Variants in NOP58 observed in about 807,000 individuals in gnomAD.
NOP58 encodes NOP58 ribonucleoprotein, also known as nucleolar protein 58.
NOP58 carries 44 observed loss-of-function variants against 71.2 expected under a neutral mutation model. The ratio of observed to expected loss-of-function variants is 0.62; its 90% CI spans 0.49 to 0.79. NOP58 has a LOEUF of 0.79. Ranked by LOEUF, NOP58 falls within the 30% of genes least tolerant of loss-of-function variation. NOP58 has a pLI of 0.00. For missense variants in NOP58, 538 were observed against 620.2 expected, an observed-to-expected ratio of 0.87 and a Z score of 1.41; for synonymous variants, 228 against 200.3, an observed-to-expected ratio of 1.14 and a Z score of -1.17.
At chr2:202,280,655 G>T (rs1407677678) in intron 3 of NOP58, among the ~76,000 whole-genome samples, 4 of 151,368 alleles carry the variant, frequency 2.6e-5, no homozygotes. Context: ...TTTAAATAAA[G>T]AAATAGGGTC....
At chr2:202,271,033 G>T (rs1366045086) in intron 1 of NOP58, among the ~76,000 whole-genome samples, 1 of 151,816 alleles carries the variant, frequency 6.6e-6, no homozygotes, top group Non-Finnish European at 1.5e-5. Context: ...GCAGTGAGAA[G>T]ACCGCGCCTC....
chr2:202,283,857 T>G (rs1688748464), intron 4 of NOP58, among the ~76,000 whole-genome samples: 1 of 152,232 alleles, frequency 6.6e-6, no homozygotes, highest in Non-Finnish European at 1.5e-5. Flanking sequence ...CCAAGCTGTC[T>G]TCTGGAAGCT....
chr2:202,303,634 T>C lies in NOP58; in HGVS notation c.*198T>C, dbSNP rs775333370. 17 of 515,070 alleles carry C rather than the reference T, an allele frequency of 3.3e-5. No individual in the cohort carries two copies. Among genetic ancestry groups the C allele is most frequent in the Non-Finnish European group, 4.9e-5 (16 of 324,250 alleles). The allele number at this position is 515,070 out of a possible 1,614,324, so 31.9% of individuals were successfully genotyped here. ...TCATCATTTCTTAGAGTCTTTGATA[T>C]ACAAATAAAATTTTCTTTGTATTTT... On this transcript the variant is annotated 3_prime_UTR_variant, in exon 15 of 15. Coordinates refer to ENST00000264279, the MANE Select transcript of NOP58 (RefSeq NM_015934.5).
chr2:202,269,711 A>T (rs1188530104), intron 1 of NOP58, among the ~76,000 whole-genome samples: 1 of 152,068 alleles, frequency 6.6e-6, no homozygotes, highest in Non-Finnish European at 1.5e-5. Context: ...ACTGCAGTGC[A>T]GCCTGGGCGA....
intron 10 of NOP58, 140 bp from the exon 11 acceptor site, chr2:202,297,239 T>C (rs1389915907): frequency 7.0e-6 from 5 of 711,626 alleles, no homozygotes; most frequent in Non-Finnish European, 1.1e-5. Flanking sequence ...GCCATTAGAT[T>C]GTGGCAAAGG....
At chr2:202,287,179 C>T (rs1688802077) in intron 5 of NOP58, among the ~76,000 whole-genome samples, 1 of 150,936 alleles carries the variant, frequency 6.6e-6, no homozygotes, top group African/African-American at 2.4e-5. Flanking sequence ...AAGCGATTCT[C>T]CTGCCTCAGC....
At chr2:202,267,226 A>G (rs1470639646) in intron 1 of NOP58, among the ~76,000 whole-genome samples, 1 of 152,200 alleles carries the variant, frequency 6.6e-6, no homozygotes, top group Admixed American at 6.6e-5. Context: ...ATATGTTGGT[A>G]GAAAGCAAAA....
In NOP58 at chr2:202,292,806, G is replaced by T. The variant is rs755833701; in HGVS notation, c.810G>T (p.Gln270His). The T allele has an allele frequency of 2.5e-6, 4 of 1,612,610 alleles. No individual in the cohort carries two copies. The highest frequency in any genetic ancestry group is 2.5e-6 in the Non-Finnish European group (3 of 1,178,626). ...QVIEISEYRT[Q>H]LYEYLQNRMM... is the part of the protein sequence containing the mutation. ...TTGAAATCTCTGAATATCGAACCCA[G>T]CTCTATGAATATCTACAAAATCGAA... Residue 270 changes from glutamine (Q) to histidine (H), a missense_variant, in exon 9 of 15, where the codon CAG (glutamine) becomes CAT (histidine). By Grantham distance (24) the Gln-to-His change is conservative. Coordinates refer to ENST00000264279, the MANE Select transcript of NOP58 (RefSeq NM_015934.5).
At chr2:202,280,386 T>A (rs188615405) in intron 3 of NOP58, among the ~76,000 whole-genome samples, 8 of 152,124 alleles carry the variant, frequency 5.3e-5, no homozygotes, top group African/African-American at 1.9e-4. Flanking sequence ...TGCAGTGGCA[T>A]GATCTCGGCT....
intron 10 of NOP58, 79 bp downstream of exon 10, chr2:202,295,916 T>A: frequency 9.1e-7 from 1 of 1,102,682 alleles, no homozygotes; most frequent in Non-Finnish European, 1.2e-6. Flanking sequence ...TACTCTGTAG[T>A]ACACATTAAA....
chr2:202,299,055 GTTCAAGTTATGC>G (rs1210683776), intron 12 of NOP58, among the ~76,000 whole-genome samples: 2 of 145,972 alleles, frequency 1.4e-5, no homozygotes, highest in Non-Finnish European at 3.0e-5. Flanking sequence ...TGACTCCCCG[GTTCAAGTTATGC>G]TCCTGCCTCA....
intron 1 of NOP58, among the ~76,000 whole-genome samples, chr2:202,268,181 A>T (rs947049852): frequency 6.6e-6 from 1 of 152,204 alleles, no homozygotes; most frequent in Non-Finnish European, 1.5e-5. Flanking sequence ...AAAAAAGTAG[A>T]CATACGGTTC....
rs749761765 is a variant in NOP58 at position 202,303,412 on chromosome 2, A to G, written c.1566A>G (p.Lys522=). 3 of 1,612,582 alleles carry G rather than the reference A, an allele frequency of 1.9e-6. No homozygotes were observed. Among genetic ancestry groups the G allele is most frequent in the Non-Finnish European group, 2.5e-6 (3 of 1,179,176 alleles). ...GTCCAGAGAAAAAGAAGAAAAAGAAAAAAAAGAGAGAGAACGAGGATTAAC... is the reference window on the plus strand; with the variant it reads ...GTCCAGAGAAAAAGAAGAAAAAGAAGAAAAAGAGAGAGAACGAGGATTAAC... ...IASPEKKKKK[K]KKRENED Residue 522 remains lysine (K), a synonymous_variant, in exon 15 of 15, where the codon AAA becomes AAG. Coordinates refer to ENST00000264279, the MANE Select transcript of NOP58 (RefSeq NM_015934.5).
At chr2:202,301,480 G>C (rs1689092611) in intron 13 of NOP58, among the ~76,000 whole-genome samples, 1 of 152,136 alleles carries the variant, frequency 6.6e-6, no homozygotes, top group Admixed American at 6.6e-5. Flanking sequence ...ACCACGCCCA[G>C]TCCTCTCCCA....
chr2:202,291,619 A>G (rs1302760373), intron 8 of NOP58, among the ~76,000 whole-genome samples: 1 of 151,984 alleles, frequency 6.6e-6, no homozygotes, highest in African/African-American at 2.4e-5. Flanking sequence ...CAGCCTGACC[A>G]ATATGATGAA....
chr2:202,272,852 C>T (rs948670626), intron 1 of NOP58, among the ~76,000 whole-genome samples: 5 of 152,090 alleles, frequency 3.3e-5, no homozygotes, highest in Non-Finnish European at 7.4e-5. Flanking sequence ...AAGATACTTT[C>T]GGCCTGGCGG....
intron 9 of NOP58, among the ~76,000 whole-genome samples, chr2:202,294,779 A>G (rs193006590): frequency 1.3e-3 from 201 of 152,230 alleles, no homozygotes; most frequent in African/African-American, 4.6e-3. Flanking sequence ...CCTGGCCAAG[A>G]TGGTGAAACC....
At chr2:202,269,285 C>A (rs1688475429) in intron 1 of NOP58, among the ~76,000 whole-genome samples, 1 of 151,862 alleles carries the variant, frequency 6.6e-6, no homozygotes, top group Admixed American at 6.6e-5. Context: ...GATTTTCCTG[C>A]CTCAGCCTCC....
intron 7 of NOP58, 132 bp from the exon 8 acceptor site, chr2:202,290,993 A>T: frequency 1.3e-6 from 1 of 747,492 alleles, no homozygotes; most frequent in Non-Finnish European, 2.1e-6. Flanking sequence ...ACTAGGTCAA[A>T]CTTCTTCATT....
Sources: allele counts gnomAD v4.1 joint callset (sites outside exome capture counted in the v4.1 genomes callset), GRCh38; gene constraint gnomAD v4.1.1; transcripts MANE v1.5; gene names NCBI Gene and HGNC (gene_info 2026-07-23, HGNC 2026-07-21).